The following ISCU variants were observed in gnomAD, a reference collection of about 807,000 sequenced individuals.
The protein encoded by ISCU is iron-sulfur cluster assembly enzyme.
In ISCU, 13 loss-of-function variants were observed where a neutral mutation model predicts 18.4. That is an observed-to-expected ratio of 0.71 (90% CI 0.46 to 1.12). ISCU has a LOEUF of 1.12. Ranked by LOEUF, ISCU falls within the 50% of genes most tolerant of loss-of-function variation. The pLI, the probability that ISCU is intolerant of heterozygous loss-of-function variation, is 0.00. For synonymous variants in ISCU, 104 were observed against 87.5 expected, an observed-to-expected ratio of 1.19 and a Z score of -1.06; for missense variants, 229 against 208.7, an observed-to-expected ratio of 1.10 and a Z score of -0.60.
At chr12:108,567,339 C>CT in intron 4 of ISCU, 71 bp downstream of exon 4, 1 of 1,259,106 alleles carries the variant, frequency 7.9e-7, no homozygotes, top group Non-Finnish European at 1.2e-6. Context: ...TGCAACAGTC[C>CT]TTTTAGATCA....
chr12:108,566,541 G>A (rs1437834882), intron 3 of ISCU, among the ~76,000 whole-genome samples: 1 of 152,234 alleles, frequency 6.6e-6, no homozygotes, highest in African/African-American at 2.4e-5. Flanking sequence ...TGGCTGTTGG[G>A]AAATCTGGTT....
In ISCU at chr12:108,567,607, A is replaced by G. The variant is rs888548; in HGVS notation, c.418+339A>G. 1,199,902 of 1,460,166 alleles carry G rather than the reference A, an allele frequency of 0.82. 497,920 individuals are homozygous for G. The highest frequency in any genetic ancestry group is 0.93 in the East Asian group (37,591 of 40,522). 90.5% of individuals were successfully genotyped at this position (1,460,166 alleles called of 1,614,324 possible). ...GCTTGGGTTGAGACGCCCACATCACATGGCTAATAAGTGGAAGAGCCAGAA... is the reference window on the plus strand; with the variant it reads ...GCTTGGGTTGAGACGCCCACATCACGTGGCTAATAAGTGGAAGAGCCAGAA... On this transcript the variant is annotated intron_variant, in intron 4 of 4. Transcript: ENST00000311893.
rs11837563 is a variant in ISCU at position 108,562,649 on chromosome 12, G to T, written c.27G>T (p.Leu9=). Residue 9 remains leucine (L), a synonymous_variant, in exon 1 of 5, where the codon CTG becomes CTT. Coordinates refer to ENST00000311893, the MANE Select transcript of ISCU (RefSeq NM_213595.4). Reference sequence around the variant, plus strand: ...TGGCGGCGGCTGGGGCTTTCCGTCTGAGGCGGGCGGCATCGGCTCTGCTGC... The same window carrying T: ...TGGCGGCGGCTGGGGCTTTCCGTCTTAGGCGGGCGGCATCGGCTCTGCTGC... The part of the protein sequence containing the change: MAAAGAFR[L]RRAASALLLR... 5.0e-3 allele frequency: 7,264 copies of T among 1,461,504 alleles called. 354 individuals are homozygous for T. In the African/African-American group the frequency reaches 0.096, roughly 19 times the overall value. 90.5% of individuals were successfully genotyped at this position (1,461,504 alleles called of 1,614,324 possible).
At chr12:108,561,726 C>CGGTTTT (rs1565872337), upstream of ISCU, among the ~76,000 whole-genome samples, 9 of 152,198 alleles carry the variant, frequency 5.9e-5, no homozygotes, top group African/African-American at 2.2e-4. Flanking sequence ...TATAAGATCA[C>CGGTTTT]ATACTGCAAA....
intron 4 of ISCU, chr12:108,568,184 C>T (rs2030989815): frequency 7.8e-7 from 1 of 1,287,498 alleles, no homozygotes; most frequent in Non-Finnish European, 9.8e-7. Flanking sequence ...AATCCCCAGC[C>T]CTTTTATTAG....
At chr12:108,565,663 C>T (rs925032451) in intron 3 of ISCU, among the ~76,000 whole-genome samples, 1 of 151,822 alleles carries the variant, frequency 6.6e-6, no homozygotes, top group Non-Finnish European at 1.5e-5. Flanking sequence ...CTCACCTGTC[C>T]CTCTAACAAA....
chr12:108,566,211 C>T (rs73404727), intron 3 of ISCU, among the ~76,000 whole-genome samples: 3,786 of 152,372 alleles, frequency 0.025, 153 homozygotes, highest in African/African-American at 0.086. Context: ...AGGCCACGTG[C>T]CACCTGCTTC....
At chr12:108,564,158 G>A in intron 1 of ISCU, 121 bp from the exon 2 acceptor site, 1 of 1,610,422 alleles carries the variant, frequency 6.2e-7, no homozygotes, top group Middle Eastern at 1.7e-4. Context: ...CTACTCAGGT[G>A]AAATTTGGTA....
At chr12:108,564,891 T>C (rs2030816634) in intron 2 of ISCU, 1 of 261,348 alleles carries the variant, frequency 3.8e-6, no homozygotes, top group African/African-American at 2.2e-5. Context: ...TATCTTGGAA[T>C]ACAGAAACAA....
intron 1 of ISCU, chr12:108,563,455 C>T (rs1018846593): frequency 6.4e-6 from 1 of 156,034 alleles, no homozygotes; most frequent in Non-Finnish European, 1.4e-5. Context: ...AAGGCCCCTA[C>T]ATTAGATACT....
At chr12:108,562,891 CA>C in intron 1 of ISCU, 155 bp downstream of exon 1, 1 of 427,060 alleles carries the variant, frequency 2.3e-6, no homozygotes, top group Non-Finnish European at 4.1e-6. Flanking sequence ...AGGCTCACTG[CA>C]ACTGATAAAC....
Position 108,569,048 on chromosome 12 carries a change from C to T in ISCU, c.*132C>T, listed in dbSNP as rs982668021. ...AGATACGCACAATACTTGCTGTTCACGTTATGACTCTCATGCAAGCAAAAT... is the reference window on the plus strand; with the variant it reads ...AGATACGCACAATACTTGCTGTTCATGTTATGACTCTCATGCAAGCAAAAT... On this transcript the variant is annotated 3_prime_UTR_variant, in exon 5 of 5. Coordinates refer to ENST00000311893, the MANE Select transcript of ISCU (RefSeq NM_213595.4). 1.3e-5 allele frequency: 10 copies of T among 754,034 alleles called. No individual in the cohort carries two copies. The highest frequency in any genetic ancestry group is 3.5e-5 in the African/African-American group (2 of 57,232). 46.7% of individuals were successfully genotyped at this position (754,034 alleles called of 1,614,324 possible).
At position 108,568,930 on chromosome 12, in the gene ISCU, G is replaced by A. The variant is rs199557747; in HGVS notation, c.*14G>A. The A allele has an allele frequency of 2.0e-4, 327 of 1,602,808 alleles. No individual in the cohort carries two copies. In the Admixed American group the frequency reaches 5.0e-3, roughly 25 times the overall value. ...GAGAAGAAATGAGCCCTCCCTCGGC[G>A]AAGCCTCCAGCAGGCCACACCAGCT... On this transcript the variant is annotated 3_prime_UTR_variant, in exon 5 of 5. Transcript: ENST00000311893.
intron 1 of ISCU, chr12:108,563,316 T>C: frequency 6.6e-6 from 1 of 152,176 alleles, no homozygotes; most frequent in East Asian, 1.9e-4. Flanking sequence ...TTTGGGGGGT[T>C]TTTTGGCGGG....
At chr12:108,568,063 C>T in intron 4 of ISCU, 2 of 1,457,054 alleles carry the variant, frequency 1.4e-6, no homozygotes, top group South Asian at 2.8e-5. Flanking sequence ...GACACACTAA[C>T]TCATTCTTCA....
chr12:108,567,334 C>A (rs759885544), intron 4 of ISCU, 66 bp downstream of exon 4: 8 of 1,325,956 alleles, frequency 6.0e-6, no homozygotes, highest in Non-Finnish European at 8.7e-6. Context: ...TGGTTTGCAA[C>A]AGTCCTTTTA....
In ISCU at chr12:108,565,466, A is replaced by C. The variant is rs774219673; in HGVS notation, c.339+35A>C. ...CTCACAAATCTAATGGGTCAAAAACAAGTAACCATGACTTTTTTTTAATAT... is the reference window on the plus strand; with the variant it reads ...CTCACAAATCTAATGGGTCAAAAACCAGTAACCATGACTTTTTTTTAATAT... On this transcript the variant is annotated intron_variant, in intron 3 of 4. Coordinates refer to ENST00000311893, the MANE Select transcript of ISCU (RefSeq NM_213595.4). 4 of 1,374,714 alleles carry C rather than the reference A, an allele frequency of 2.9e-6. No homozygotes were observed. In the South Asian group the frequency reaches 4.6e-5, roughly 16 times the overall value. 85.2% of individuals were successfully genotyped at this position (1,374,714 alleles called of 1,614,324 possible). A position where few individuals can be genotyped will look rare whatever the true frequency, so the allele number is the denominator to read the frequency against.
chr12:108,564,124 T>C, intron 1 of ISCU, 155 bp from the exon 2 acceptor site: 1 of 1,613,554 alleles, frequency 6.2e-7, no homozygotes, highest in Non-Finnish European at 8.5e-7. Context: ...CAAATGGTTC[T>C]CATTGACATG....
At chr12:108,563,515 G>A in intron 1 of ISCU, 1 of 167,126 alleles carries the variant, frequency 6.0e-6, no homozygotes, top group South Asian at 1.4e-4. Flanking sequence ...CAGATGGGGG[G>A]AAAAGGGGAC....
Sources: gnomAD v4.1 joint callset for allele counts (sites outside exome capture counted in the v4.1 genomes callset) on GRCh38, gnomAD v4.1.1 for gene constraint, MANE v1.5 for transcripts, NCBI Gene and HGNC (gene_info 2026-07-23, HGNC 2026-07-21) for gene names.